SH3PXD2A: variants seen among roughly 807,000 people sequenced by gnomAD.
SH3PXD2A encodes SH3 and PX domains 2A.
SH3PXD2A carries 32 observed loss-of-function variants against 115.2 expected under a neutral mutation model. The observed-to-expected ratio is 0.28, with a 90% CI of 0.21 to 0.37. SH3PXD2A has a LOEUF of 0.37. Ranked by LOEUF, SH3PXD2A falls within the 10% of genes least tolerant of loss-of-function variation. SH3PXD2A has a pLI of 1.00. For synonymous variants in SH3PXD2A, 610 were observed against 629.1 expected (o/e 0.97, Z 0.45); for missense variants, 1,328 against 1,498.7 (o/e 0.89, Z 1.88).
chr10:103,631,539 A>G (rs763978907), intron 8 of SH3PXD2A, among the ~76,000 whole-genome samples: 69 of 152,152 alleles, frequency 4.5e-4, no homozygotes, highest in Admixed American at 2.6e-3. Context: ...GTCCTTGCTG[A>G]TGCCACCCCT....
chr10:103,751,441 T>A (rs2038578710), intron 3 of SH3PXD2A, among the ~76,000 whole-genome samples: 1 of 152,206 alleles, frequency 6.6e-6, no homozygotes, highest in African/African-American at 2.4e-5. Context: ...ATAGATACCA[T>A]TATTCTTCCC....
rs1279908434 is a variant in SH3PXD2A at position 103,665,094 on chromosome 10, T to A, written c.472+3514A>T. The stretch of plus-strand genomic sequence containing the variant: ...TGAAACGCGTGAACTGGCAGAAAGA[T>A]GAACAGAGGGACTCATTGGTTTGTG... On this transcript the variant is annotated intron_variant, in intron 7 of 14. Coordinates refer to ENST00000369774, the MANE Select transcript of SH3PXD2A (RefSeq NM_001394015.1). The surrounding 1 kb of genome is among the most constrained non-coding windows in gnomAD (Gnocchi z 4.0). Among the ~76,000 whole-genome samples, 1 of 152,098 alleles carries A rather than the reference T, an allele frequency of 6.6e-6. No homozygotes were observed. Among genetic ancestry groups the A allele is most frequent in the African/African-American group, 2.4e-5 (1 of 41,414 alleles).
At chr10:103,755,793 G>T (rs1418179385) in intron 3 of SH3PXD2A, among the ~76,000 whole-genome samples, 1 of 152,198 alleles carries the variant, frequency 6.6e-6, no homozygotes, top group Non-Finnish European at 1.5e-5. Flanking sequence ...TTCTCTCTGA[G>T]ATCCACCCAA....
At chr10:103,741,854 C>T (rs1341232633) in intron 3 of SH3PXD2A, among the ~76,000 whole-genome samples, 2 of 152,192 alleles carry the variant, frequency 1.3e-5, no homozygotes, top group African/African-American at 4.8e-5. Context: ...CTTAAAATAA[C>T]AGGAATTTGG....
At chr10:103,708,551 G>C (rs962638066) in intron 5 of SH3PXD2A, among the ~76,000 whole-genome samples, 1 of 152,184 alleles carries the variant, frequency 6.6e-6, no homozygotes, top group Non-Finnish European at 1.5e-5. Context: ...CAGCACCCCT[G>C]CCCCCAGGGA....
intron 5 of SH3PXD2A, among the ~76,000 whole-genome samples, chr10:103,695,554 A>C (rs1479937757): frequency 6.6e-6 from 1 of 151,636 alleles, no homozygotes; most frequent in South Asian, 2.1e-4. Context: ...CAAAACTCAC[A>C]TGCTTGGAGG....
At chr10:103,662,386 CTTTTTTTTT>C (rs571936334) in intron 7 of SH3PXD2A, among the ~76,000 whole-genome samples, 1 of 39,714 alleles carries the variant, frequency 2.5e-5, no homozygotes, top group Non-Finnish European at 4.2e-5. Flanking sequence ...ATATGATGTG[CTTTTTTTTT>C]TTTTTTTTTT....
At chr10:103,714,698 C>T (rs1307406278) in intron 5 of SH3PXD2A, among the ~76,000 whole-genome samples, 1 of 152,222 alleles carries the variant, frequency 6.6e-6, no homozygotes, top group Non-Finnish European at 1.5e-5. Flanking sequence ...CAGCCTCCCA[C>T]AGCTCCAAGG....
At chr10:103,810,550 C>T (rs912672615) in intron 1 of SH3PXD2A, among the ~76,000 whole-genome samples, 2 of 152,250 alleles carry the variant, frequency 1.3e-5, no homozygotes, top group African/African-American at 2.4e-5. Flanking sequence ...GTCCCTGCTA[C>T]GTGGGCTTAG....
chr10:103,709,572 C>T (rs1208714280), intron 5 of SH3PXD2A, among the ~76,000 whole-genome samples: 3 of 152,192 alleles, frequency 2.0e-5, no homozygotes, highest in African/African-American at 4.8e-5. Flanking sequence ...ACAGCCCCTT[C>T]GGCAACAACA....
At chr10:103,623,575 GA>G (rs762518583) in intron 9 of SH3PXD2A, among the ~76,000 whole-genome samples, 3 of 152,154 alleles carry the variant, frequency 2.0e-5, no homozygotes, top group Non-Finnish European at 2.9e-5. Flanking sequence ...GAGGCCCTGG[GA>G]AAGCATTTGC....
intron 2 of SH3PXD2A, among the ~76,000 whole-genome samples, chr10:103,780,438 C>T (rs1023759965): frequency 3.3e-5 from 5 of 152,180 alleles, no homozygotes; most frequent in South Asian, 2.1e-4. Context: ...TGGGGTCAAG[C>T]GGGCAGAGTT....
intron 1 of SH3PXD2A, among the ~76,000 whole-genome samples, chr10:103,818,581 G>C (rs572382100): frequency 6.6e-6 from 1 of 152,156 alleles, no homozygotes; most frequent in Non-Finnish European, 1.5e-5. Flanking sequence ...CTGATGTGCA[G>C]GAAAAATTTC....
Position 103,603,176 on chromosome 10 carries a change from A to G in SH3PXD2A, c.2042T>C (p.Met681Thr). 1 of 1,613,930 alleles carries G rather than the reference A, an allele frequency of 6.2e-7. No individual in the cohort carries two copies. Among genetic ancestry groups the G allele is most frequent in the South Asian group, 1.1e-5 (1 of 91,074 alleles). ...GGAGGCTGAGGAGTGGTTCTTCCCC[A>G]TTTCTGCCTGGGCATTCTTCTCTGC... The part of the protein sequence containing the change: ...LKAEKNAQAE[M>T]GKNHSSASFS... The change falls in exon 15 of 15, where the codon ATG becomes ACG. Residue 681 changes from methionine to threonine, a missense_variant. Physicochemically the swap from Met to Thr is moderately conservative, Grantham distance 81 (BLOSUM62 -1). Around this residue, in one of 5 missense-constraint regions of SH3PXD2A, gnomAD observed 574 missense variants for 565.7 expected, o/e 1.01. Transcript: ENST00000369774.
chr10:103,798,019 G>T (rs1009901129), intron 2 of SH3PXD2A, among the ~76,000 whole-genome samples: 3 of 152,114 alleles, frequency 2.0e-5, no homozygotes, highest in Non-Finnish European at 4.4e-5. Flanking sequence ...CGCTTTGCAC[G>T]TGGTTCCCGG....
At chr10:103,684,955 G>A (rs2037658229) in intron 6 of SH3PXD2A, among the ~76,000 whole-genome samples, 1 of 152,072 alleles carries the variant, frequency 6.6e-6, no homozygotes, top group South Asian at 2.1e-4. Flanking sequence ...AGGAGGTCAA[G>A]TCTGCAGTGA....
In SH3PXD2A at chr10:103,668,261, G is replaced by A. The variant is rs2037410235; in HGVS notation, c.472+347C>T. ...ACCACTGCCTGAGCACTTTCTGTGT[G>A]CCAGGCTCCCCACGAGGTGGGATGG... On this transcript the variant is annotated intron_variant, in intron 7 of 14. Coordinates refer to ENST00000369774, the MANE Select transcript of SH3PXD2A (RefSeq NM_001394015.1). Among the ~76,000 whole-genome samples the A allele has an allele frequency of 2.0e-5, 3 of 152,274 alleles. No individual in the cohort carries two copies. The South Asian group carries it at 6.2e-4, about 31-fold the overall frequency.
At chr10:103,829,912 G>C (rs1275297455) in intron 1 of SH3PXD2A, among the ~76,000 whole-genome samples, 2 of 152,260 alleles carry the variant, frequency 1.3e-5, no homozygotes, top group East Asian at 3.8e-4. Flanking sequence ...CCACTTGCAA[G>C]CAAAGCTACA....
At chr10:103,818,061 T>C (rs563644385) in intron 1 of SH3PXD2A, among the ~76,000 whole-genome samples, 13 of 152,338 alleles carry the variant, frequency 8.5e-5, no homozygotes, top group South Asian at 4.1e-4. Flanking sequence ...AATGGTTGCA[T>C]TGTATGATAT....
Sources: gnomAD v4.1 joint callset for allele counts (sites outside exome capture counted in the v4.1 genomes callset) on GRCh38, gnomAD v4.1.1 for gene constraint, gnomAD v4.1.1 regional missense constraint, Gnocchi (gnomAD v3.1) non-coding constraint, MANE v1.5 for transcripts, NCBI Gene and HGNC (gene_info 2026-07-23, HGNC 2026-07-21) for gene names.